The following LINGO2 variants were observed in gnomAD, a reference collection of about 807,000 sequenced individuals.
LINGO2 encodes the protein leucine-rich repeat and immunoglobulin-like domain-containing nogo receptor-interacting protein 2.
In LINGO2, 14 loss-of-function variants were observed where a neutral mutation model predicts 30.6. The observed-to-expected ratio is 0.46, with a 90% CI of 0.30 to 0.72. The LOEUF is 0.72. Ranked by LOEUF, LINGO2 falls within the 30% of genes least tolerant of loss-of-function variation. The pLI, the probability that LINGO2 is intolerant of heterozygous loss-of-function variation, is 0.07. For missense variants in LINGO2, 729 were observed against 751.7 expected, an observed-to-expected ratio of 0.97 and a Z score of 0.35; for synonymous variants, 317 against 288.5, an observed-to-expected ratio of 1.10 and a Z score of -1.00.
the LINGO2 span, among the ~76,000 whole-genome samples, chr9:28,739,535 C>T: frequency 6.6e-6 from 1 of 151,760 alleles, no homozygotes; most frequent in Non-Finnish European, 1.5e-5. Flanking sequence ...AATAATAATA[C>T]AACAGGAAGA....
chr9:28,463,718 G>A (rs1160128614), intron 2 of LINGO2, among the ~76,000 whole-genome samples: 1 of 151,140 alleles, frequency 6.6e-6, no homozygotes, highest in Non-Finnish European at 1.5e-5. Flanking sequence ...GAGCCAAGAT[G>A]AGCCATTGAA....
chr9:28,964,270 G>C, the LINGO2 span, among the ~76,000 whole-genome samples: 1 of 151,904 alleles, frequency 6.6e-6, no homozygotes, highest in African/African-American at 2.4e-5. Context: ...TTACAGAACA[G>C]AGAAGGGCAC....
At chr9:29,026,942 TA>T in the LINGO2 span, among the ~76,000 whole-genome samples, 22,637 of 152,136 alleles carry the variant, frequency 0.15, 2,080 homozygotes, top group South Asian at 0.2. Flanking sequence ...TAAATATATT[TA>T]AACTAAATAA....
At chr9:28,519,771 AAG>A (rs1587797437) in intron 1 of LINGO2, among the ~76,000 whole-genome samples, 1 of 152,172 alleles carries the variant, frequency 6.6e-6, no homozygotes, top group African/African-American at 2.4e-5. Flanking sequence ...TTGACAGAGA[AAG>A]AGTTTATAAT....
chr9:28,058,942 T>G (rs565755607), intron 4 of LINGO2, among the ~76,000 whole-genome samples: 1 of 152,190 alleles, frequency 6.6e-6, no homozygotes, highest in Non-Finnish European at 1.5e-5. Flanking sequence ...TATATATAAA[T>G]TGGTGTGCAT....
At chr9:28,608,141 T>C (rs1376150744) in intron 1 of LINGO2, among the ~76,000 whole-genome samples, 3 of 124,494 alleles carry the variant, frequency 2.4e-5, no homozygotes, top group Non-Finnish European at 3.4e-5. Flanking sequence ...AATTACATTC[T>C]GTAGAAAGAT....
chr9:28,896,963 G>A, the LINGO2 span, among the ~76,000 whole-genome samples: 2 of 152,184 alleles, frequency 1.3e-5, no homozygotes, highest in South Asian at 4.1e-4. Flanking sequence ...GAAATCCTGG[G>A]AAACTTCAAA....
At chr9:28,632,819 ATAT>A (rs577992116) in intron 1 of LINGO2, among the ~76,000 whole-genome samples, 1,115 of 105,430 alleles carry the variant, frequency 0.011, 30 homozygotes, top group East Asian at 0.093. Flanking sequence ...TGATCTATAT[ATAT>A]TATATATTAT....
intron 5 of LINGO2, among the ~76,000 whole-genome samples, chr9:27,961,858 G>A (rs1819864923): frequency 6.6e-6 from 1 of 152,128 alleles, no homozygotes; most frequent in Admixed American, 6.6e-5. Context: ...CCAATCGGCT[G>A]TGGAGGGTGT....
chr9:28,693,932 G>T, the LINGO2 span, among the ~76,000 whole-genome samples: 1 of 152,088 alleles, frequency 6.6e-6, no homozygotes, highest in Admixed American at 6.6e-5. Context: ...AGAAGGTGGT[G>T]CTTATCCAAT....
chr9:28,703,368 T>A, the LINGO2 span, among the ~76,000 whole-genome samples: 1 of 151,964 alleles, frequency 6.6e-6, no homozygotes, highest in Non-Finnish European at 1.5e-5. Flanking sequence ...GAAATTTGTT[T>A]GGAATGAGGT....
chr9:28,492,844 C>G (rs553654875), intron 1 of LINGO2, among the ~76,000 whole-genome samples: 130 of 151,590 alleles, frequency 8.6e-4, no homozygotes, highest in African/African-American at 3.0e-3. Context: ...ACAACAACAA[C>G]AACAACAAAA....
chr9:29,055,241 T>C, the LINGO2 span, among the ~76,000 whole-genome samples: 2 of 130,018 alleles, frequency 1.5e-5, no homozygotes, highest in Non-Finnish European at 3.4e-5. Context: ...AAAAGTACAA[T>C]GTATCAGTGG....
At chr9:28,144,571 G>A (rs1453230609) in intron 4 of LINGO2, among the ~76,000 whole-genome samples, 1 of 152,100 alleles carries the variant, frequency 6.6e-6, no homozygotes, top group Non-Finnish European at 1.5e-5. Flanking sequence ...TTGGTCTTTG[G>A]AAAATAACTG....
At chr9:28,429,180 CAA>C (rs1276896612) in intron 2 of LINGO2, among the ~76,000 whole-genome samples, 1 of 152,220 alleles carries the variant, frequency 6.6e-6, no homozygotes, top group African/African-American at 2.4e-5. Context: ...GAAATAGATA[CAA>C]AGAGTATTCT....
At chr9:28,913,907 AT>A in the LINGO2 span, among the ~76,000 whole-genome samples, 1 of 152,282 alleles carries the variant, frequency 6.6e-6, no homozygotes, top group Non-Finnish European at 1.5e-5. Flanking sequence ...CAGAGAGCAC[AT>A]GATTTTTTAA....
At chr9:28,868,492 T>C in the LINGO2 span, among the ~76,000 whole-genome samples, 9 of 152,174 alleles carry the variant, frequency 5.9e-5, no homozygotes, top group East Asian at 1.5e-3. Flanking sequence ...CTTTCGAAAG[T>C]GGCATCATGG....
chr9:28,970,972 C>A, the LINGO2 span, among the ~76,000 whole-genome samples: 2 of 152,118 alleles, frequency 1.3e-5, no homozygotes, highest in Admixed American at 1.3e-4. Context: ...CCAAAAGAGA[C>A]CCATTCTTTC....
At chr9:28,990,936 G>A in the LINGO2 span, among the ~76,000 whole-genome samples, 2 of 152,256 alleles carry the variant, frequency 1.3e-5, no homozygotes, top group African/African-American at 4.8e-5. Flanking sequence ...AGAAAGACTG[G>A]AAACTCTAAA....
Sources: gnomAD v4.1 joint callset for allele counts (sites outside exome capture counted in the v4.1 genomes callset) on GRCh38, gnomAD v4.1.1 for gene constraint, MANE v1.5 for transcripts, NCBI Gene and HGNC (gene_info 2026-07-23, HGNC 2026-07-21) for gene names.